HDAC4: variants seen among roughly 807,000 people sequenced by gnomAD.
HDAC4 encodes histone deacetylase A.
In HDAC4, 16 loss-of-function variants were observed where a neutral mutation model predicts 135.1. The observed-to-expected ratio is 0.12, with a 90% CI of 0.08 to 0.18. HDAC4 has a LOEUF of 0.18. Among genes scored for constraint, HDAC4 ranks in the 10% least tolerant of loss-of-function variants. HDAC4 has a pLI of 1.00. For synonymous variants in HDAC4, 685 were observed against 653.4 expected (o/e 1.05, Z -0.74); for missense variants, 1,143 against 1,511.8 (o/e 0.76, Z 4.05).
intron 4 of HDAC4, among the ~76,000 whole-genome samples, chr2:239,179,162 G>A (rs919388957): frequency 2.0e-5 from 3 of 152,192 alleles, no homozygotes; most frequent in Admixed American, 2.0e-4. Flanking sequence ...GTGCGAGGCA[G>A]CCACTGGATG....
At chr2:239,312,856 C>T (rs528233909) in intron 2 of HDAC4, among the ~76,000 whole-genome samples, 77 of 152,310 alleles carry the variant, frequency 5.1e-4, no homozygotes, top group African/African-American at 1.8e-3. Context: ...GTGGGTAGGC[C>T]ACGTTCCCCC....
chr2:239,391,942 T>C (rs925589834), intron 1 of HDAC4, among the ~76,000 whole-genome samples: 1 of 152,108 alleles, frequency 6.6e-6, no homozygotes, highest in Non-Finnish European at 1.5e-5. Context: ...CACGCTGACA[T>C]GGAAAGACAC....
chr2:239,390,262 T>C (rs932472218), intron 1 of HDAC4, among the ~76,000 whole-genome samples: 1 of 152,202 alleles, frequency 6.6e-6, no homozygotes, highest in Non-Finnish European at 1.5e-5. Context: ...CCAGGTACAG[T>C]ACCTCACGCT....
chr2:239,295,451 A>G (rs1053575942), intron 2 of HDAC4, among the ~76,000 whole-genome samples: 1 of 152,188 alleles, frequency 6.6e-6, no homozygotes, highest in East Asian at 1.9e-4. Context: ...AAGGAAACAC[A>G]TGAAAATGTT....
At chr2:239,252,973 G>A (rs1300312934) in intron 2 of HDAC4, among the ~76,000 whole-genome samples, 2 of 152,222 alleles carry the variant, frequency 1.3e-5, no homozygotes, top group Non-Finnish European at 2.9e-5. Context: ...CGCTGGCCAC[G>A]GCGGCCCGCA....
chr2:239,053,147 C>T lies in HDAC4; in HGVS notation c.3231-11G>A, dbSNP rs200553088. The T allele has an allele frequency of 1.4e-4, 223 of 1,614,088 alleles. No homozygotes were observed. Among genetic ancestry groups the T allele is most frequent in the South Asian group, 1.9e-4 (17 of 91,078 alleles). On this transcript the variant is annotated splice_polypyrimidine_tract_variant and intron_variant, in intron 26 of 26. Coordinates refer to ENST00000543185, the MANE Select transcript of HDAC4 (RefSeq NM_001378414.1). ...GGCTCCTCATCTGGTCTGTGGATCC[C>T]GCAAGAGAAGGAGATGGGGGCGTGG...
At chr2:239,230,876 A>G (rs1270113790) in intron 3 of HDAC4, among the ~76,000 whole-genome samples, 2 of 152,148 alleles carry the variant, frequency 1.3e-5, no homozygotes, top group African/African-American at 4.8e-5. Flanking sequence ...AAACGAAACA[A>G]TGCAACAACC....
intron 2 of HDAC4, among the ~76,000 whole-genome samples, chr2:239,343,553 A>G (rs528375510): frequency 6.6e-6 from 1 of 152,346 alleles, no homozygotes; most frequent in East Asian, 1.9e-4. Context: ...CCCTCCTCAC[A>G]AGGCTGTTTC....
intron 4 of HDAC4, among the ~76,000 whole-genome samples, chr2:239,181,504 G>A (rs1165970579): frequency 1.3e-5 from 2 of 152,254 alleles, no homozygotes; most frequent in East Asian, 1.9e-4. Flanking sequence ...CATCTCACCT[G>A]TATCTTTCCC....
Position 239,096,184 on chromosome 2 carries a change from C to T in HDAC4, c.2234-1128G>A, listed in dbSNP as rs536864639. ...CTCTTGCCTGGAGGGCTTGCCGGCC[C>T]GGTTAGCACGAGAGGAACCCTTCCT... On this transcript the variant is annotated intron_variant, in intron 16 of 26. Coordinates refer to ENST00000543185, the MANE Select transcript of HDAC4 (RefSeq NM_001378414.1). Among the ~76,000 whole-genome samples the T allele has an allele frequency of 9.2e-5, 14 of 152,210 alleles. No individual in the cohort carries two copies. The South Asian group carries it at 1.0e-3, about 11-fold the overall frequency.
rs1693207380 is a variant in HDAC4 at position 239,352,079 on chromosome 2, C to T, written c.22+599G>A. On this transcript the variant is annotated intron_variant, in intron 2 of 26. Transcript: ENST00000543185. The surrounding 1 kb of genome is among the most constrained non-coding windows in gnomAD (Gnocchi z 4.4). ...CTTCTGAAGCTCAGAGCAGGACAAGCTTGCTTCCCAATCATGTGGGTCCCC... is the reference window on the plus strand; with the variant it reads ...CTTCTGAAGCTCAGAGCAGGACAAGTTTGCTTCCCAATCATGTGGGTCCCC... Among the ~76,000 whole-genome samples, 2 of 152,198 alleles carry T rather than the reference C, an allele frequency of 1.3e-5. No individual in the cohort carries two copies. The highest frequency in any genetic ancestry group is 6.5e-5 in the Admixed American group (1 of 15,280).
rs868150951 is a variant in HDAC4, at chr2:239,350,966, T to C, written c.22+1712A>G. Among the ~76,000 whole-genome samples the C allele has an allele frequency of 2.4e-4, 37 of 152,290 alleles. 2 individuals are homozygous for C. In the Middle Eastern group the frequency reaches 0.014, roughly 56 times the overall value. The stretch of plus-strand genomic sequence containing the variant: ...ATGCACCCCCATTAAAATAATCAAG[T>C]GTACTCAAACAATAATTTTCCCATA... On this transcript the variant is annotated intron_variant, in intron 2 of 26. Transcript: ENST00000543185.
intron 1 of HDAC4, among the ~76,000 whole-genome samples, chr2:239,377,500 A>G (rs574957081): frequency 1.3e-5 from 2 of 152,324 alleles, no homozygotes; most frequent in East Asian, 1.9e-4. Flanking sequence ...CCTGTCTTCT[A>G]TGCAGATCTC....
intron 2 of HDAC4, among the ~76,000 whole-genome samples, chr2:239,329,995 C>T (rs1197342321): frequency 1.3e-5 from 2 of 152,162 alleles, no homozygotes; most frequent in Non-Finnish European, 2.9e-5. Flanking sequence ...GAGGGGTGTG[C>T]AGAAAGCTGG....
At chr2:239,220,313 G>T (rs2046875785) in intron 3 of HDAC4, among the ~76,000 whole-genome samples, 1 of 152,210 alleles carries the variant, frequency 6.6e-6, no homozygotes, top group Admixed American at 6.5e-5. Flanking sequence ...ATTGAGCTCA[G>T]AGAACAATGA....
chr2:239,331,911 G>A lies in HDAC4; in HGVS notation c.22+20767C>T, dbSNP rs1045026635. On this transcript the variant is annotated intron_variant, in intron 2 of 26. Coordinates refer to ENST00000543185, the MANE Select transcript of HDAC4 (RefSeq NM_001378414.1). The surrounding 1 kb of genome is among the most constrained non-coding windows in gnomAD (Gnocchi z 4.5). ...TGAGCGTGGGGGTGAGGAGAGCCCC[G>A]TGCCAGGAGTGAGGGCAACACGGAC... is the stretch of plus-strand genomic sequence containing the variant. Among the ~76,000 whole-genome samples the A allele has an allele frequency of 6.6e-6, 1 of 152,144 alleles. No individual in the cohort carries two copies. The highest frequency in any genetic ancestry group is 1.5e-5 in the Non-Finnish European group (1 of 68,038).
chr2:239,359,961 G>C (rs191165838), intron 1 of HDAC4, among the ~76,000 whole-genome samples: 6 of 152,302 alleles, frequency 3.9e-5, no homozygotes, highest in Admixed American at 3.9e-4. Context: ...TACAGAGCAG[G>C]CATGCTAGAC....
intron 2 of HDAC4, among the ~76,000 whole-genome samples, chr2:239,314,883 A>C (rs1222085241): frequency 1.3e-5 from 2 of 152,156 alleles, no homozygotes; most frequent in African/African-American, 4.8e-5. Flanking sequence ...ATTAACCTGA[A>C]AAGCTAGTTC....
In HDAC4 at chr2:239,115,110, T is replaced by C. The variant is rs762415867; in HGVS notation, c.1734A>G (p.Pro578=). The C allele has an allele frequency of 1.1e-5, 17 of 1,611,632 alleles. No individual in the cohort carries two copies. The highest frequency in any genetic ancestry group is 1.3e-5 in the Non-Finnish European group (15 of 1,179,924). The change falls in exon 13 of 27, where the codon CCA becomes CCG. Residue 578 remains proline (P), a synonymous_variant. Coordinates refer to ENST00000543185, the MANE Select transcript of HDAC4 (RefSeq NM_001378414.1). The surrounding 1 kb of genome is among the most constrained non-coding windows in gnomAD (Gnocchi z 6.3). ...IESDEEEAEP[P]REVEPGQRQP... ...GGCGCTGGCCCGGCTCCACCTCCCG[T>C]GGGGGCTCTGCCTCTTCCTCATCGC... is the stretch of plus-strand genomic sequence containing the variant.
Sources: gnomAD v4.1 joint callset for allele counts (sites outside exome capture counted in the v4.1 genomes callset) on GRCh38, gnomAD v4.1.1 for gene constraint, Gnocchi (gnomAD v3.1) non-coding constraint, MANE v1.5 for transcripts, NCBI Gene and HGNC (gene_info 2026-07-23, HGNC 2026-07-21) for gene names.